GRIK1: variants seen among roughly 807,000 people sequenced by gnomAD.
GRIK1 encodes glutamate receptor ionotropic, kainate 1.
In GRIK1, 69 loss-of-function variants were observed where a neutral mutation model predicts 105.7. That is an observed-to-expected ratio of 0.65 (90% CI 0.54 to 0.80). The LOEUF is 0.80. Ranked by LOEUF, GRIK1 falls within the 30% of genes least tolerant of loss-of-function variation. The pLI is 0.00. For missense variants in GRIK1, 1,109 were observed against 1,167.3 expected (o/e 0.95, Z 0.73); for synonymous variants, 438 against 431.3 (o/e 1.02, Z -0.19).
chr21:29,613,898 T>C (rs2061783038), intron 7 of GRIK1, among the ~76,000 whole-genome samples: 1 of 152,206 alleles, frequency 6.6e-6, no homozygotes, highest in Admixed American at 6.5e-5. Flanking sequence ...TACAGATTGC[T>C]ATGGGAAAAT....
intron 3 of GRIK1, among the ~76,000 whole-genome samples, chr21:29,688,843 G>T (rs1469521549): frequency 6.6e-6 from 1 of 152,042 alleles, no homozygotes. Context: ...CCAAAGTGAG[G>T]TGCCAGCCTC....
intron 6 of GRIK1, among the ~76,000 whole-genome samples, chr21:29,649,108 C>A (rs1388294764): frequency 1.3e-5 from 2 of 152,082 alleles, no homozygotes; most frequent in Non-Finnish European, 2.9e-5. Context: ...GACACAGTTT[C>A]CACATTCCCA....
At chr21:29,867,050 A>T (rs2068825977) in intron 1 of GRIK1, among the ~76,000 whole-genome samples, 1 of 152,112 alleles carries the variant, frequency 6.6e-6, no homozygotes, top group African/African-American at 2.4e-5. Flanking sequence ...TTACATACAA[A>T]ACATTTGGGA....
chr21:29,561,665 C>T lies in GRIK1; in HGVS notation c.2315G>A (p.Gly772Asp), dbSNP rs1277147860. ...TCCGTAACCTTTGGAGTCAATGAGG[C>T]CCCCGATCTGAGTGAGGTTGCAGTT... is the stretch of plus-strand genomic sequence containing the variant. ...QRNCNLTQIG[G>D]LIDSKGYGVG... The change falls in exon 15 of 18, where the codon GGC becomes GAC. Residue 772 changes from glycine to aspartate, a missense_variant. By Grantham distance (94) the Gly-to-Asp change is moderately conservative (BLOSUM62 -1). Coordinates refer to ENST00000327783, the MANE Select transcript of GRIK1 (RefSeq NM_001330994.2). The T allele has an allele frequency of 3.1e-6, 5 of 1,613,716 alleles. No homozygotes were observed. Among genetic ancestry groups the T allele is most frequent in the East Asian group, 2.2e-5 (1 of 44,894 alleles).
intron 14 of GRIK1, among the ~76,000 whole-genome samples, chr21:29,576,527 T>C (rs1459501008): frequency 1.3e-5 from 2 of 152,198 alleles, no homozygotes; most frequent in African/African-American, 4.8e-5. Context: ...TGTTTCTATC[T>C]CATCAAGTAC....
Position 29,783,212 on chromosome 21 carries a change from T to C in GRIK1, c.119-89149A>G, listed in dbSNP as rs542931198. On this transcript the variant is annotated intron_variant, in intron 1 of 17. Coordinates refer to ENST00000327783, the MANE Select transcript of GRIK1 (RefSeq NM_001330994.2). ...CTTCTTCCTGTAAATTTCCTGTTTT[T>C]GTCTTTTGCAAATATTTTTCTATTA... 6.6e-5 allele frequency among the ~76,000 whole-genome samples: 10 copies of C among 152,350 alleles called. No individual in the cohort carries two copies. In the South Asian group the frequency reaches 2.1e-3, roughly 32 times the overall value.
intron 6 of GRIK1, among the ~76,000 whole-genome samples, chr21:29,643,377 T>A (rs2062554657): frequency 6.6e-6 from 1 of 152,246 alleles, no homozygotes; most frequent in Non-Finnish European, 1.5e-5. Context: ...TATTTATCTA[T>A]CTACTTACTG....
intron 1 of GRIK1, among the ~76,000 whole-genome samples, chr21:29,906,815 C>T (rs556426236): frequency 3.4e-4 from 52 of 152,000 alleles, no homozygotes; most frequent in Non-Finnish European, 2.8e-4. Context: ...CCCATTTACT[C>T]CATTTTAGTA....
chr21:29,562,485 G>C (rs2090505584), intron 14 of GRIK1, among the ~76,000 whole-genome samples: 2 of 152,110 alleles, frequency 1.3e-5, no homozygotes, highest in Admixed American at 1.3e-4. Context: ...GTGAAACCCT[G>C]TCTCTACTGA....
intron 7 of GRIK1, among the ~76,000 whole-genome samples, chr21:29,629,090 G>A (rs1030797843): frequency 6.6e-6 from 1 of 152,078 alleles, no homozygotes. Flanking sequence ...AATGCAATGC[G>A]TACTGGAGAG....
intron 1 of GRIK1, among the ~76,000 whole-genome samples, chr21:29,768,173 A>G (rs1049797611): frequency 6.6e-6 from 1 of 152,194 alleles, no homozygotes; most frequent in Non-Finnish European, 1.5e-5. Context: ...GATGTTCTTC[A>G]GGAAGCCAAG....
chr21:29,596,857 C>A, intron 8 of GRIK1: 1 of 429,218 alleles, frequency 2.3e-6, no homozygotes, highest in Non-Finnish European at 4.3e-6. Context: ...AGGTATGCTG[C>A]AGTATTAAGG....
chr21:29,587,990 T>TTTTTTTG lies in GRIK1; in HGVS notation c.1570-402_1570-401insCAAAAAA, dbSNP rs1491321446. Reference sequence around the variant, plus strand: ...TTTTTTTTTTTTTTTTTTTTTTTTTTGTGAGGCGGAGTCTCACTCTGTCGC... The same window carrying TTTTTTTG: ...TTTTTTTTTTTTTTTTTTTTTTTTTTTTTTTTGGTGAGGCGGAGTCTCACTCTGTCGC... On this transcript the variant is annotated intron_variant, in intron 11 of 17. Coordinates refer to ENST00000327783, the MANE Select transcript of GRIK1 (RefSeq NM_001330994.2). Among the ~76,000 whole-genome samples, 89 of 131,280 alleles carry TTTTTTTG rather than the reference T, an allele frequency of 6.8e-4. 2 individuals carry two copies. The highest frequency in any genetic ancestry group is 2.6e-3 in the African/African-American group (82 of 31,508). 86.1% of individuals were successfully genotyped at this position (131,280 alleles called of 152,430 possible).
At chr21:29,620,708 G>C (rs1181930053) in intron 7 of GRIK1, among the ~76,000 whole-genome samples, 1 of 147,698 alleles carries the variant, frequency 6.8e-6, no homozygotes, top group Non-Finnish European at 1.5e-5. Context: ...CTGAAGTTAA[G>C]TGAAAACCAG....
chr21:29,661,470 G>A (rs138414335), intron 4 of GRIK1, among the ~76,000 whole-genome samples: 3 of 152,250 alleles, frequency 2.0e-5, no homozygotes, highest in African/African-American at 7.2e-5. Flanking sequence ...ATGGGAATGC[G>A]TAAATAGAAG....
intron 1 of GRIK1, among the ~76,000 whole-genome samples, chr21:29,915,838 G>T (rs1272122324): frequency 6.6e-6 from 1 of 151,840 alleles, no homozygotes; most frequent in African/African-American, 2.4e-5. Context: ...ACAAAATTGT[G>T]GTTTAATCCA....
At chr21:29,741,492 A>T (rs2064926991) in intron 1 of GRIK1, among the ~76,000 whole-genome samples, 1 of 152,202 alleles carries the variant, frequency 6.6e-6, no homozygotes, top group African/African-American at 2.4e-5. Flanking sequence ...ATCAGCCAAG[A>T]AGCAAATTTT....
At chr21:29,912,833 G>T (rs1413582045) in intron 1 of GRIK1, among the ~76,000 whole-genome samples, 1 of 151,886 alleles carries the variant, frequency 6.6e-6, no homozygotes, top group Admixed American at 6.6e-5. Flanking sequence ...ATTCCCGAAG[G>T]TTTTATTTTA....
intron 1 of GRIK1, among the ~76,000 whole-genome samples, chr21:29,727,636 C>T (rs76526058): frequency 6.6e-6 from 1 of 152,160 alleles, no homozygotes; most frequent in African/African-American, 2.4e-5. Flanking sequence ...TCTATTCTCT[C>T]TTGTAAGAGG....
Sources: allele counts gnomAD v4.1 joint callset (sites outside exome capture counted in the v4.1 genomes callset), GRCh38; gene constraint gnomAD v4.1.1; transcripts MANE v1.5; gene names NCBI Gene and HGNC (gene_info 2026-07-23, HGNC 2026-07-21).